SYT1: variants seen among roughly 807,000 people sequenced by gnomAD.
SYT1 encodes synaptotagmin 1.
A neutral mutation model predicts 44.8 loss-of-function variants in SYT1; 8 were observed. The observed-to-expected ratio is 0.18, with a 90% CI of 0.10 to 0.32. The LOEUF (loss-of-function observed/expected upper bound fraction) is 0.32, where lower values mean the gene tolerates loss of function less well. Ranked by LOEUF, SYT1 falls within the 10% of genes least tolerant of loss-of-function variation. SYT1 has a pLI of 1.00. For synonymous variants in SYT1, 154 were observed against 188.8 expected (o/e 0.82, Z 1.51); for missense variants, 286 against 509.3 (o/e 0.56, Z 4.22).
intron 3 of SYT1, among the ~76,000 whole-genome samples, chr12:79,170,754 T>A (rs1049351569): frequency 6.6e-6 from 1 of 152,160 alleles, no homozygotes; most frequent in Admixed American, 6.6e-5. Flanking sequence ...TTTTGGTATC[T>A]TCATCATGAA....
chr12:79,275,674 C>T (rs61928767), intron 4 of SYT1, among the ~76,000 whole-genome samples: 6,301 of 152,284 alleles, frequency 0.041, 145 homozygotes, highest in Non-Finnish European at 0.049. Context: ...CCGCCTCTAT[C>T]AGAGCTGGGA....
intron 10 of SYT1, among the ~76,000 whole-genome samples, chr12:79,447,842 A>G (rs1421880225): frequency 6.6e-6 from 1 of 152,178 alleles, no homozygotes; most frequent in East Asian, 1.9e-4. Context: ...TTCTCATTTC[A>G]TTAATATAAT....
rs539601845 is a variant in SYT1 at position 79,215,062 on chromosome 12, C to G, written c.-17-2441C>G. On this transcript the variant is annotated intron_variant, in intron 3 of 10. Coordinates refer to ENST00000261205, the MANE Select transcript of SYT1 (RefSeq NM_005639.3). The stretch of plus-strand genomic sequence containing the variant: ...AACAGTTTTACCCAAGTTGTATCAA[C>G]AGAGCAAACAAAACTTCAAAGTTTT... 1.3e-4 allele frequency among the ~76,000 whole-genome samples: 20 copies of G among 151,888 alleles called. 1 individual carries two copies. The South Asian group carries it at 4.2e-3, about 32-fold the overall frequency.
intron 1 of SYT1, among the ~76,000 whole-genome samples, chr12:78,894,602 T>C (rs1048018903): frequency 6.6e-6 from 1 of 151,748 alleles, no homozygotes; most frequent in Middle Eastern, 3.4e-3. Flanking sequence ...TTATCAGAGA[T>C]CTTGGACAAG....
intron 9 of SYT1, among the ~76,000 whole-genome samples, chr12:79,419,720 A>G (rs1868986224): frequency 1.3e-5 from 2 of 152,250 alleles, no homozygotes; most frequent in East Asian, 1.9e-4. Context: ...CCTAACATCT[A>G]TAATCAAAAT....
At chr12:79,083,381 C>T (rs1388142861) in intron 3 of SYT1, among the ~76,000 whole-genome samples, 1 of 152,102 alleles carries the variant, frequency 6.6e-6, no homozygotes, top group East Asian at 1.9e-4. Context: ...TATGACTCAG[C>T]AGTTTTAGTA....
At chr12:78,974,872 A>T in intron 1 of SYT1, among the ~76,000 whole-genome samples, 1 of 152,084 alleles carries the variant, frequency 6.6e-6, no homozygotes. Flanking sequence ...AAGAGCAACT[A>T]AAGAAATTAG....
At chr12:78,996,953 A>G (rs1870419711) in intron 2 of SYT1, among the ~76,000 whole-genome samples, 1 of 152,222 alleles carries the variant, frequency 6.6e-6, no homozygotes, top group African/African-American at 2.4e-5. Flanking sequence ...GATTTTTATC[A>G]AAAAAGACAC....
chr12:79,314,970 C>G (rs1881010703), intron 8 of SYT1, among the ~76,000 whole-genome samples: 1 of 152,048 alleles, frequency 6.6e-6, no homozygotes. Flanking sequence ...AGATTCATGC[C>G]TAAGGGTAAG....
intron 4 of SYT1, among the ~76,000 whole-genome samples, chr12:79,257,185 G>A (rs1034172163): frequency 1.3e-5 from 2 of 152,180 alleles, no homozygotes; most frequent in African/African-American, 4.8e-5. Flanking sequence ...CTCAATTTCA[G>A]ACTTGTAAAC....
chr12:79,220,175 A>G (rs1208687851), intron 4 of SYT1, among the ~76,000 whole-genome samples: 6 of 151,986 alleles, frequency 3.9e-5, no homozygotes, highest in African/African-American at 1.2e-4. Flanking sequence ...GAACGTATCC[A>G]TGTTTTCTTG....
At chr12:79,079,597 A>G (rs1425458724) in intron 3 of SYT1, among the ~76,000 whole-genome samples, 1 of 152,124 alleles carries the variant, frequency 6.6e-6, no homozygotes. Flanking sequence ...GATAGTAGAA[A>G]TGACATTTTC....
intron 4 of SYT1, among the ~76,000 whole-genome samples, chr12:79,252,435 G>A (rs1877274412): frequency 6.6e-6 from 1 of 152,228 alleles, no homozygotes; most frequent in Non-Finnish European, 1.5e-5. Context: ...ATTTCTGACT[G>A]CGCCTGCTTA....
chr12:79,174,456 T>G (rs1871735458), intron 3 of SYT1, among the ~76,000 whole-genome samples: 1 of 151,982 alleles, frequency 6.6e-6, no homozygotes, highest in Non-Finnish European at 1.5e-5. Flanking sequence ...CGGGTTTCAA[T>G]TAATAAAAAG....
chr12:79,298,273 T>C (rs1371878733), intron 7 of SYT1, among the ~76,000 whole-genome samples: 1 of 152,138 alleles, frequency 6.6e-6, no homozygotes, highest in Non-Finnish European at 1.5e-5. Flanking sequence ...TATTTTCCAT[T>C]CCTTCTAAAA....
intron 4 of SYT1, among the ~76,000 whole-genome samples, chr12:79,265,984 G>A (rs1027780617): frequency 5.3e-5 from 8 of 152,110 alleles, no homozygotes; most frequent in Non-Finnish European, 8.8e-5. Flanking sequence ...TAATGAACAC[G>A]TGCATACGTT....
chr12:79,096,538 G>A (rs535418259), intron 3 of SYT1, among the ~76,000 whole-genome samples: 9 of 152,130 alleles, frequency 5.9e-5, no homozygotes, highest in African/African-American at 2.2e-4. Context: ...TGGGGCAGCT[G>A]AGGAATATTA....
intron 2 of SYT1, among the ~76,000 whole-genome samples, chr12:78,983,416 G>C (rs1476548021): frequency 6.6e-6 from 1 of 151,962 alleles, no homozygotes; most frequent in African/African-American, 2.4e-5. Context: ...CAGTGATTAA[G>C]TGTCCCATTT....
intron 9 of SYT1, among the ~76,000 whole-genome samples, chr12:79,388,981 G>A (rs993423699): frequency 9.9e-5 from 15 of 152,160 alleles, no homozygotes; most frequent in Admixed American, 6.5e-5. Context: ...TGTCATTAAG[G>A]ATGAGTATCT....
Sources: gnomAD v4.1 joint callset for allele counts (sites outside exome capture counted in the v4.1 genomes callset) on GRCh38, gnomAD v4.1.1 for gene constraint, MANE v1.5 for transcripts, NCBI Gene and HGNC (gene_info 2026-07-23, HGNC 2026-07-21) for gene names.